The following ITGB2 variants were observed in gnomAD, a reference collection of about 807,000 sequenced individuals.
ITGB2 encodes the protein integrin subunit beta 2, also known as integrin beta-2.
A neutral mutation model predicts 86.8 loss-of-function variants in ITGB2; 56 were observed. The ratio of observed to expected loss-of-function variants is 0.65; its 90% confidence interval spans 0.52 to 0.81. The LOEUF is 0.81. Ranked by LOEUF, ITGB2 falls within the 30% of genes least tolerant of loss-of-function variation. ITGB2 has a pLI of 0.00. For missense variants in ITGB2, 948 were observed against 1,061.2 expected (o/e 0.89, Z 1.48); for synonymous variants, 457 against 450.4 (o/e 1.01, Z -0.19).
chr21:44,912,411 C>T (rs1196609237), intron 1 of ITGB2, among the ~76,000 whole-genome samples: 2 of 152,250 alleles, frequency 1.3e-5, no homozygotes, highest in African/African-American at 4.8e-5. Context: ...GAGGATCCCA[C>T]AGCTTAGACG....
chr21:44,901,380 G>T, intron 6 of ITGB2, 112 bp downstream of exon 6: 1 of 1,362,442 alleles, frequency 7.3e-7, no homozygotes, highest in Non-Finnish European at 1.0e-6. Context: ...GCCCAGGCTG[G>T]AGTCCCTCAG....
Position 44,893,425 on chromosome 21 carries a change from A to G in ITGB2, c.1203T>C (p.Asp401=). The G allele has an allele frequency of 6.2e-7, 1 of 1,614,116 alleles. No homozygotes were observed. Among genetic ancestry groups the G allele is most frequent in the Non-Finnish European group, 8.5e-7 (1 of 1,180,002 alleles). ...THRNQPRGDC[D]GVQINVPITF... ...TCACCGGGACATTGATCTGCACGCC[A>G]TCACAGTCACCTCTGGGCTGGTTCC... Residue 401 remains aspartate, a synonymous_variant, in exon 10 of 16, where the codon GAT becomes GAC. Coordinates refer to ENST00000652462, the MANE Select transcript of ITGB2 (RefSeq NM_000211.5).
In ITGB2 at chr21:44,886,171, T is replaced by G; in HGVS notation, c.*197A>C. 1.6e-6 allele frequency: 1 copy of G among 632,440 alleles called. No individual in the cohort carries two copies. Among genetic ancestry groups the G allele is most frequent in the South Asian group, 1.8e-5 (1 of 56,544 alleles). The allele number at this position is 632,440 out of a possible 1,614,324, so 39.2% of individuals were successfully genotyped here. On this transcript the variant is annotated 3_prime_UTR_variant, in exon 16 of 16. Transcript: ENST00000652462. ...TCCTCAAGTCTCCATGCAAAGACTG[T>G]GCCAGTCAGAGTGGAGCTGTCCCCC...
chr21:44,908,264 TTCTCCACCCCC>T, intron 3 of ITGB2: 1 of 587,288 alleles, frequency 1.7e-6, no homozygotes, highest in South Asian at 2.1e-5. Flanking sequence ...CCTCCCCTTC[TTCTCCACCCCC>T]TCCCCTTCTC....
intron 1 of ITGB2, chr21:44,928,547 T>G (rs1326669946): frequency 6.5e-6 from 1 of 152,808 alleles, no homozygotes; most frequent in Non-Finnish European, 1.5e-5. Context: ...CTAAACCTCA[T>G]TCCTCCACCC....
chr21:44,910,500 C>T, intron 2 of ITGB2, 128 bp from the exon 3 acceptor site: 2 of 1,543,258 alleles, frequency 1.3e-6, no homozygotes, highest in South Asian at 2.4e-5. Context: ...GGAGACCCCG[C>T]ATTCGCCACC....
intron 8 of ITGB2, 100 bp from the exon 9 acceptor site, chr21:44,895,160 C>T: frequency 2.3e-6 from 2 of 863,434 alleles, no homozygotes; most frequent in Non-Finnish European, 3.9e-6. Flanking sequence ...TGCAAAATGG[C>T]TGGGACGGTC....
intron 11 of ITGB2, 86 bp downstream of exon 11, chr21:44,891,723 G>A: frequency 1.4e-6 from 2 of 1,454,336 alleles, no homozygotes; most frequent in Non-Finnish European, 1.9e-6. Context: ...AAGGGATGGA[G>A]CCACCTGCAC....
At chr21:44,909,500 G>C (rs760456) in intron 3 of ITGB2, 97,731 of 152,150 alleles carry the variant, frequency 0.64, 31,656 homozygotes, top group Middle Eastern at 0.74. Flanking sequence ...GCCTGGGTGA[G>C]GAGATTCAGA....
chr21:44,909,307 A>C (rs893514536), intron 3 of ITGB2: 3 of 152,302 alleles, frequency 2.0e-5, no homozygotes, highest in Admixed American at 2.0e-4. Flanking sequence ...ACCGTCACTG[A>C]GGGGCTCCTG....
chr21:44,918,841 G>A (rs937686693), intron 1 of ITGB2, among the ~76,000 whole-genome samples: 26 of 151,702 alleles, frequency 1.7e-4, no homozygotes, highest in African/African-American at 5.6e-4. Context: ...TCTCATGCCA[G>A]CCCCTGCCAG....
chr21:44,892,106 G>C, intron 10 of ITGB2, 110 bp from the exon 11 acceptor site: 1 of 1,042,926 alleles, frequency 9.6e-7, no homozygotes, highest in Non-Finnish European at 1.4e-6. Flanking sequence ...GTTCAGCGTG[G>C]GGAGGAAGGG....
upstream of ITGB2, among the ~76,000 whole-genome samples, chr21:44,921,782 C>T (rs1023968186): frequency 1.3e-5 from 2 of 152,112 alleles, no homozygotes; most frequent in African/African-American, 2.4e-5. Flanking sequence ...AGTGCAGTGG[C>T]GTGATCTCAG....
At chr21:44,907,996 A>C (rs1353934519) in intron 3 of ITGB2, 4 of 712,338 alleles carry the variant, frequency 5.6e-6, no homozygotes, top group Admixed American at 2.0e-5. Context: ...ATCTCACTGA[A>C]AGGTGTTTAT....
intron 9 of ITGB2, 69 bp downstream of exon 9, chr21:44,894,902 G>A (rs934208198): frequency 1.9e-6 from 2 of 1,078,492 alleles, no homozygotes; most frequent in East Asian, 4.7e-5. Context: ...CCTGCAGCAG[G>A]AGCTGACCTG....
chr21:44,926,467 G>A (rs565960184), intron 1 of ITGB2, among the ~76,000 whole-genome samples: 1 of 152,286 alleles, frequency 6.6e-6, no homozygotes, highest in South Asian at 2.1e-4. Context: ...AGGAAATGGC[G>A]ACCGCAGAAG....
chr21:44,910,599 C>T, intron 2 of ITGB2, 126 bp downstream of exon 2: 1 of 1,365,306 alleles, frequency 7.3e-7, no homozygotes, highest in African/African-American at 1.4e-5. Flanking sequence ...CCCCGACCTA[C>T]CCCCAGTGGC....
chr21:44,926,544 G>C (rs2146580459), intron 1 of ITGB2, among the ~76,000 whole-genome samples: 1 of 152,344 alleles, frequency 6.6e-6, no homozygotes, highest in South Asian at 2.1e-4. Context: ...GGGCCCTCCA[G>C]CCAAGCAGCC....
At chr21:44,899,190 GC>G (rs2146521039) in intron 7 of ITGB2, 28 bp from the exon 8 acceptor site, 1 of 1,558,074 alleles carries the variant, frequency 6.4e-7, no homozygotes, top group Non-Finnish European at 8.8e-7. Flanking sequence ...TGCTCAGTTG[GC>G]CCCGAGTCCA....
Sources: allele counts gnomAD v4.1 joint callset (sites outside exome capture counted in the v4.1 genomes callset), GRCh38; gene constraint gnomAD v4.1.1; transcripts MANE v1.5; gene names NCBI Gene and HGNC (gene_info 2026-07-23, HGNC 2026-07-21).